LRRC8A: variants seen among roughly 807,000 people sequenced by gnomAD.
The protein encoded by LRRC8A is volume-regulated anion channel subunit LRRC8A.
A neutral mutation model predicts 52.5 loss-of-function variants in LRRC8A; 24 were observed. That is an observed-to-expected ratio of 0.46 (90% CI 0.33 to 0.64). The LOEUF (loss-of-function observed/expected upper bound fraction) is 0.64, where lower values mean the gene tolerates loss of function less well. Ranked by LOEUF, LRRC8A falls within the 30% of genes least tolerant of loss-of-function variation. LRRC8A has a pLI of 0.02. For synonymous variants in LRRC8A, 492 were observed against 494.2 expected (o/e 1.00, Z 0.06); for missense variants, 677 against 1,094.7 (o/e 0.62, Z 5.38).
At chr9:128,900,765 T>C (rs748358351) in intron 2 of LRRC8A, among the ~76,000 whole-genome samples, 2 of 152,200 alleles carry the variant, frequency 1.3e-5, no homozygotes, top group Non-Finnish European at 2.9e-5. Flanking sequence ...CAGTAGCTCA[T>C]GCCCGTAGTC....
intron 2 of LRRC8A, among the ~76,000 whole-genome samples, chr9:128,905,317 G>A (rs1202852217): frequency 2.6e-5 from 4 of 152,112 alleles, no homozygotes; most frequent in Admixed American, 6.5e-5. Flanking sequence ...ACAATTTTCC[G>A]TATGTTCTCC....
At chr9:128,914,196 C>T (rs10988153) in intron 3 of LRRC8A, among the ~76,000 whole-genome samples, 83,209 of 147,540 alleles carry the variant, frequency 0.56, 28,214 homozygotes, top group Non-Finnish European at 0.72. Flanking sequence ...AGTGAGACTC[C>T]GTCCCCCGCC....
In LRRC8A at chr9:128,909,096, T is replaced by C; in HGVS notation, c.1932T>C (p.Leu644=). Residue 644 remains leucine (L), a synonymous_variant, in exon 3 of 4, where the codon CTT becomes CTC. Transcript: ENST00000372600. The stretch of plus-strand genomic sequence containing the variant: ...AGCACCTGCACCGCCTCACCTGCCT[T>C]AAGCTGTGGTACAACCACATCGCCT... The part of the protein sequence containing the change: ...SFQHLHRLTC[L]KLWYNHIAYI... The C allele has an allele frequency of 1.2e-6, 2 of 1,614,116 alleles. No homozygotes were observed. The highest frequency in any genetic ancestry group is 1.7e-6 in the Non-Finnish European group (2 of 1,180,002).
intron 2 of LRRC8A, among the ~76,000 whole-genome samples, chr9:128,888,956 A>C (rs1267703870): frequency 3.3e-5 from 5 of 152,026 alleles, no homozygotes; most frequent in African/African-American, 1.2e-4. Context: ...ACCATGTCTC[A>C]GTGCTGAGCC....
chr9:128,913,106 GAGA>G (rs1411500951), intron 3 of LRRC8A, among the ~76,000 whole-genome samples: 8 of 152,204 alleles, frequency 5.3e-5, no homozygotes, highest in Non-Finnish European at 1.2e-4. Context: ...AGCAGAGAGG[GAGA>G]AGGACAGGAG....
At chr9:128,882,465 C>T (rs951200862) in intron 1 of LRRC8A, 1 of 368,512 alleles carries the variant, frequency 2.7e-6, no homozygotes, top group Non-Finnish European at 4.8e-6. Flanking sequence ...GGCTCCGCGG[C>T]GCGCGAGCCC....
intron 2 of LRRC8A, among the ~76,000 whole-genome samples, chr9:128,903,834 C>A (rs1423225798): frequency 6.6e-6 from 1 of 152,038 alleles, no homozygotes; most frequent in Non-Finnish European, 1.5e-5. Context: ...TCAAGACCAG[C>A]CCGGCCAACA....
rs200108714 is a variant in LRRC8A at position 128,907,308 on chromosome 9, C to T, written c.144C>T (p.Thr48=). 40 of 1,613,850 alleles carry T rather than the reference C, an allele frequency of 2.5e-5. No homozygotes were observed. The highest frequency in any genetic ancestry group is 3.3e-5 in the Non-Finnish European group (39 of 1,180,032). The change falls in exon 3 of 4, where the codon ACC becomes ACT. Residue 48 remains threonine, a synonymous_variant. Coordinates refer to ENST00000372600, the MANE Select transcript of LRRC8A (RefSeq NM_019594.4). This position sits in a 1 kb window ranked among gnomAD's most constrained non-coding sequence, Gnocchi z 9.3. ...IAVFGGTLQV[T]QDKMICLPCK... is the part of the protein sequence containing the mutation. ...TCTTCGGGGGGACGCTGCAGGTCACCCAAGACAAGATGATCTGCCTGCCTT... is the reference window on the plus strand; with the variant it reads ...TCTTCGGGGGGACGCTGCAGGTCACTCAAGACAAGATGATCTGCCTGCCTT...
chr9:128,895,799 G>T (rs1320357565), intron 2 of LRRC8A, among the ~76,000 whole-genome samples: 2 of 152,192 alleles, frequency 1.3e-5, no homozygotes, highest in African/African-American at 2.4e-5. Context: ...GCTGCTCCCC[G>T]CTGAGCCTTC....
At position 128,892,553 on chromosome 9, in the gene LRRC8A, T is replaced by A. The variant is rs1430295506; in HGVS notation, c.-9+6432T>A. 2.0e-5 allele frequency among the ~76,000 whole-genome samples: 3 copies of A among 151,274 alleles called. No individual in the cohort carries two copies. The highest frequency in any genetic ancestry group is 2.9e-5 in the Non-Finnish European group (2 of 67,808). ...GGTGTACCCTTCTACACAGGGCGAG[T>A]CCCAAGCCAGGCAACACCCCCAGCC... On this transcript the variant is annotated intron_variant, in intron 2 of 3. Coordinates refer to ENST00000372600, the MANE Select transcript of LRRC8A (RefSeq NM_019594.4). The surrounding 1 kb of genome is among the most constrained non-coding windows in gnomAD (Gnocchi z 5.2).
chr9:128,884,529 G>A (rs1032966634), intron 1 of LRRC8A, among the ~76,000 whole-genome samples: 4 of 152,186 alleles, frequency 2.6e-5, no homozygotes, highest in Admixed American at 2.0e-4. Context: ...AGACACATAA[G>A]TTCTGATATA....
chr9:128,894,581 T>G (rs1020988030), intron 2 of LRRC8A, among the ~76,000 whole-genome samples: 1 of 151,494 alleles, frequency 6.6e-6, no homozygotes, highest in African/African-American at 2.4e-5. Flanking sequence ...TCACTTGAGG[T>G]CAGGAGTTTG....
intron 1 of LRRC8A, among the ~76,000 whole-genome samples, chr9:128,883,453 G>C (rs1839220895): frequency 1.3e-5 from 2 of 152,218 alleles, no homozygotes; most frequent in Non-Finnish European, 2.9e-5. Context: ...AGAGAGACTG[G>C]GCAGTGCTGA....
At chr9:128,914,936 C>T (rs765998281) in intron 3 of LRRC8A, among the ~76,000 whole-genome samples, 11 of 152,190 alleles carry the variant, frequency 7.2e-5, no homozygotes, top group African/African-American at 2.2e-4. Context: ...ACAGTGTGGA[C>T]GGTTCACCAG....
chr9:128,904,941 T>C (rs1422448220), intron 2 of LRRC8A, among the ~76,000 whole-genome samples: 1 of 137,806 alleles, frequency 7.3e-6, no homozygotes, highest in East Asian at 2.1e-4. Context: ...GAGCTTGCAG[T>C]GAGCCAAGAT....
intron 3 of LRRC8A, 62 bp downstream of exon 3, chr9:128,909,383 T>C: frequency 1.3e-6 from 2 of 1,508,222 alleles, no homozygotes; most frequent in South Asian, 2.3e-5. Context: ...GGGCTTGTGG[T>C]GGGGCACTCG....
At chr9:128,887,798 C>T (rs940501853) in intron 2 of LRRC8A, among the ~76,000 whole-genome samples, 6 of 152,032 alleles carry the variant, frequency 3.9e-5, no homozygotes, top group Admixed American at 6.6e-5. Context: ...CCCGCCACCA[C>T]GCCCGGCTAA....
rs1160584130 is a variant in LRRC8A at position 128,911,461 on chromosome 9, C to T, written c.2157+2140C>T. On this transcript the variant is annotated intron_variant, in intron 3 of 3. Transcript: ENST00000372600. The surrounding 1 kb of genome is among the most constrained non-coding windows in gnomAD (Gnocchi z 4.9). ...CACATTTGGGAAGCACAGAACAAAC[C>T]CAGCCCTTCTTTAATCTGTGGAGGG... Among the ~76,000 whole-genome samples, 2 of 152,204 alleles carry T rather than the reference C, an allele frequency of 1.3e-5. No individual in the cohort carries two copies. The highest frequency in any genetic ancestry group is 4.8e-5 in the African/African-American group (2 of 41,448).
At position 128,882,202 on chromosome 9, in the gene LRRC8A, G is replaced by C. The variant is rs1839055868; in HGVS notation, c.-164G>C. Reference sequence around the variant, plus strand: ...GCTGCGGCCGGCGGCGGGACGGAGCGGCCGGGGCCTGGGGCTGCCTGCCGG... The same window carrying C: ...GCTGCGGCCGGCGGCGGGACGGAGCCGCCGGGGCCTGGGGCTGCCTGCCGG... On this transcript the variant is annotated 5_prime_UTR_variant, in exon 1 of 4. Coordinates refer to ENST00000372600, the MANE Select transcript of LRRC8A (RefSeq NM_019594.4). 1 of 153,204 alleles carries C rather than the reference G, an allele frequency of 6.5e-6. No homozygotes were observed. Among genetic ancestry groups the C allele is most frequent in the East Asian group, 1.9e-4 (1 of 5,206 alleles). 9.5% of individuals were successfully genotyped at this position (153,204 alleles called of 1,614,324 possible).
Sources: allele counts gnomAD v4.1 joint callset (sites outside exome capture counted in the v4.1 genomes callset), GRCh38; gene constraint gnomAD v4.1.1; non-coding constraint Gnocchi (gnomAD v3.1); transcripts MANE v1.5; gene names NCBI Gene and HGNC (gene_info 2026-07-23, HGNC 2026-07-21).